Variants in CNTN5 observed in about 807,000 individuals in gnomAD.
The protein encoded by CNTN5 is contactin-5.
A neutral mutation model predicts 129.1 loss-of-function variants in CNTN5; 77 were observed. That is an observed-to-expected ratio of 0.60 (90% CI 0.50 to 0.72). The LOEUF (loss-of-function observed/expected upper bound fraction) is 0.72. CNTN5 is among the 30% of genes least tolerant of loss of function. The probability of loss-of-function intolerance (pLI) is 0.00; values close to 1 mark genes in which losing one functional copy is unlikely to be tolerated. For synonymous variants in CNTN5, 509 were observed against 465.6 expected (o/e 1.09, Z -1.20); for missense variants, 1,478 against 1,328.8 (o/e 1.11, Z -1.75).
At chr11:99,874,520 T>C (rs1474897162) in intron 6 of CNTN5, among the ~76,000 whole-genome samples, 5 of 152,182 alleles carry the variant, frequency 3.3e-5, no homozygotes, top group African/African-American at 4.8e-5. Flanking sequence ...GTGTTGTTAG[T>C]AGCTATTGAC....
At chr11:99,082,725 C>T (rs1031186920) in intron 1 of CNTN5, among the ~76,000 whole-genome samples, 14 of 152,028 alleles carry the variant, frequency 9.2e-5, no homozygotes, top group Non-Finnish European at 1.3e-4. Flanking sequence ...CTATACTTTA[C>T]GAAAGACTGT....
chr11:100,189,238 T>C (rs1948396371), intron 13 of CNTN5, among the ~76,000 whole-genome samples: 1 of 148,838 alleles, frequency 6.7e-6, no homozygotes, highest in South Asian at 2.1e-4. Context: ...AAAATAAAAG[T>C]TAAAATTATA....
Position 99,686,350 on chromosome 11 carries a change from G to A in CNTN5, c.55+130081G>A, listed in dbSNP as rs145414338. ...ATCTTCTTTTTTTTGTCTAAAATAA[G>A]TTTATTTTTATTTTGAATTTTTTTC... On this transcript the variant is annotated intron_variant, in intron 3 of 24. Coordinates refer to ENST00000524871, the MANE Select transcript of CNTN5 (RefSeq NM_014361.4). Among the ~76,000 whole-genome samples, 433 of 151,976 alleles carry A rather than the reference G, an allele frequency of 2.8e-3. 4 individuals are homozygous for A. The highest frequency in any genetic ancestry group is 8.9e-3 in the African/African-American group (369 of 41,496).
At chr11:99,842,773 T>C (rs1023991160) in intron 4 of CNTN5, among the ~76,000 whole-genome samples, 39 of 152,230 alleles carry the variant, frequency 2.6e-4, no homozygotes, top group African/African-American at 8.9e-4. Flanking sequence ...AAACTCATAA[T>C]GCAACAACAA....
chr11:99,184,621 A>G (rs1196442728), intron 1 of CNTN5, among the ~76,000 whole-genome samples: 1 of 152,096 alleles, frequency 6.6e-6, no homozygotes, highest in African/African-American at 2.4e-5. Flanking sequence ...ATCTTACTTA[A>G]TAAGTGTCAT....
chr11:99,441,497 A>G (rs1212352754), intron 2 of CNTN5, among the ~76,000 whole-genome samples: 1 of 152,178 alleles, frequency 6.6e-6, no homozygotes, highest in Admixed American at 6.5e-5. Context: ...GAACATGTGA[A>G]TAATGTTCTG....
intron 9 of CNTN5, among the ~76,000 whole-genome samples, chr11:100,014,589 T>A (rs556593180): frequency 4.0e-5 from 6 of 151,806 alleles, no homozygotes; most frequent in South Asian, 2.1e-4. Context: ...CAAAAAAAAA[T>A]AATAATAAAT....
At chr11:99,767,666 TTAA>T (rs1944801132) in intron 3 of CNTN5, among the ~76,000 whole-genome samples, 1 of 151,686 alleles carries the variant, frequency 6.6e-6, no homozygotes, top group Non-Finnish European at 1.5e-5. Flanking sequence ...AATGTGAAGT[TTAA>T]TATTCTCTGG....
At chr11:99,375,178 C>T (rs918430740) in intron 2 of CNTN5, among the ~76,000 whole-genome samples, 4 of 151,714 alleles carry the variant, frequency 2.6e-5, no homozygotes, top group African/African-American at 9.7e-5. Context: ...TAGTACGTGC[C>T]TGTGATCCCA....
Position 99,352,192 on chromosome 11 carries a change from C to T in CNTN5, c.-71+26708C>T, listed in dbSNP as rs191769154. On this transcript the variant is annotated intron_variant, in intron 2 of 24. Coordinates refer to ENST00000524871, the MANE Select transcript of CNTN5 (RefSeq NM_014361.4). Reference sequence around the variant, plus strand: ...AGACCTGAGTGATTTGTGGAGGAGCCTGTTGTTGTTCCCACAAAGACTGCT... The same window carrying T: ...AGACCTGAGTGATTTGTGGAGGAGCTTGTTGTTGTTCCCACAAAGACTGCT... Among the ~76,000 whole-genome samples the T allele has an allele frequency of 2.7e-4, 41 of 152,284 alleles. No individual in the cohort carries two copies. In the East Asian group the frequency reaches 5.6e-3, roughly 21 times the overall value.
At chr11:100,176,580 T>C (rs112869807) in intron 13 of CNTN5, among the ~76,000 whole-genome samples, 7,895 of 151,758 alleles carry the variant, frequency 0.052, 228 homozygotes, top group African/African-American at 0.08. Flanking sequence ...CTATGTAAAG[T>C]GGATTAAGGA....
intron 3 of CNTN5, among the ~76,000 whole-genome samples, chr11:99,795,380 G>C (rs1172678687): frequency 6.6e-6 from 1 of 152,048 alleles, no homozygotes; most frequent in Middle Eastern, 3.2e-3. Flanking sequence ...GAATCTCAGT[G>C]ATCTTTATTC....
At chr11:99,174,186 A>G (rs1857666300) in intron 1 of CNTN5, among the ~76,000 whole-genome samples, 1 of 152,010 alleles carries the variant, frequency 6.6e-6, no homozygotes, top group African/African-American at 2.4e-5. Flanking sequence ...TTCTGTAGAG[A>G]CGGGGTTTCA....
At chr11:100,023,089 T>C (rs115999539) in intron 9 of CNTN5, among the ~76,000 whole-genome samples, 1,886 of 152,310 alleles carry the variant, frequency 0.012, 41 homozygotes, top group African/African-American at 0.043. Context: ...AGTTTTTCTA[T>C]TCTCCTGCTC....
At chr11:99,584,383 G>A (rs1949721824) in intron 3 of CNTN5, among the ~76,000 whole-genome samples, 3 of 152,168 alleles carry the variant, frequency 2.0e-5, no homozygotes, top group Admixed American at 6.5e-5. Context: ...GTTGGCCACA[G>A]ACAGAAGGAC....
chr11:100,168,287 A>G (rs1432101354), intron 13 of CNTN5, among the ~76,000 whole-genome samples: 1 of 152,012 alleles, frequency 6.6e-6, no homozygotes, highest in Admixed American at 6.6e-5. Context: ...TAGACAAAAC[A>G]GCCTTATTTT....
intron 2 of CNTN5, among the ~76,000 whole-genome samples, chr11:99,328,696 C>A (rs749531516): frequency 1.3e-5 from 2 of 151,546 alleles, no homozygotes; most frequent in African/African-American, 2.4e-5. Flanking sequence ...CATGGAGAAA[C>A]CCCGTCTCTA....
At chr11:99,295,498 A>C (rs975345608) in intron 1 of CNTN5, among the ~76,000 whole-genome samples, 1 of 152,192 alleles carries the variant, frequency 6.6e-6, no homozygotes, top group Admixed American at 6.5e-5. Context: ...TAAACCATGG[A>C]AAAAGAGCCT....
rs768642870 is a variant in CNTN5 at position 99,669,466 on chromosome 11, GTGTGTGTA to G, written c.55+113199_55+113206del. On this transcript the variant is annotated intron_variant, in intron 3 of 24. Coordinates refer to ENST00000524871, the MANE Select transcript of CNTN5 (RefSeq NM_014361.4). Reference sequence around the variant, plus strand: ...GGTGTGTGTGTGTGTGTGTGTGTGTGTGTGTGTATATGTGTATACATATATACACATAT... The same window carrying G: ...GGTGTGTGTGTGTGTGTGTGTGTGTGTATGTGTATACATATATACACATAT... Among the ~76,000 whole-genome samples the G allele has an allele frequency of 3.7e-3, 481 of 129,316 alleles. 3 individuals are homozygous for G. Among genetic ancestry groups the G allele is most frequent in the African/African-American group, 0.013 (382 of 29,728 alleles). 84.8% of individuals were successfully genotyped at this position (129,316 alleles called of 152,430 possible).
Sources: allele counts gnomAD v4.1 joint callset (sites outside exome capture counted in the v4.1 genomes callset), GRCh38; gene constraint gnomAD v4.1.1; transcripts MANE v1.5; gene names NCBI Gene and HGNC (gene_info 2026-07-23, HGNC 2026-07-21).